BACE1: variants seen among roughly 807,000 people sequenced by gnomAD.
BACE1 encodes the protein APP beta-secretase.
In BACE1, 21 loss-of-function variants were observed where a neutral mutation model predicts 54.0. The observed-to-expected ratio is 0.39, with a 90% CI of 0.28 to 0.56. BACE1 has a LOEUF of 0.56. Among genes scored for constraint, BACE1 ranks in the 20% least tolerant of loss-of-function variants. The probability of loss-of-function intolerance (pLI) is 0.63; values close to 1 mark genes in which losing one functional copy is unlikely to be tolerated. For missense variants in BACE1, 511 were observed against 661.2 expected (o/e 0.77, Z 2.49); for synonymous variants, 232 against 260.9 (o/e 0.89, Z 1.07).
chr11:117,313,156 T>C (rs1480024988), intron 1 of BACE1, among the ~76,000 whole-genome samples: 1 of 152,210 alleles, frequency 6.6e-6, no homozygotes, highest in Non-Finnish European at 1.5e-5. Context: ...TACAGACAGA[T>C]GGGGAGAGAG....
In BACE1 at chr11:117,289,791, C is replaced by T. The variant is rs370855057; in HGVS notation, c.1281G>A (p.Arg427=). 21 of 1,613,918 alleles carry T rather than the reference C, an allele frequency of 1.3e-5. No individual in the cohort carries two copies. Among genetic ancestry groups the T allele is most frequent in the Non-Finnish European group, 1.6e-5 (19 of 1,179,892 alleles). The part of the protein sequence containing the change: ...VSACHVHDEF[R]TAAVEGPFVT... Reference sequence around the variant, plus strand: ...CAAAAGGGCCTTCCACCGCTGCCGTCCTGAACTCATCGTGCACTGGGGAGA... The same window carrying T: ...CAAAAGGGCCTTCCACCGCTGCCGTTCTGAACTCATCGTGCACTGGGGAGA... Residue 427 remains arginine (R), a synonymous_variant, in exon 9 of 9, where the codon AGG becomes AGA. Coordinates refer to ENST00000313005, the MANE Select transcript of BACE1 (RefSeq NM_012104.6).
chr11:117,295,235 T>C lies in BACE1; in HGVS notation c.463A>G (p.Thr155Ala). 1 of 1,614,212 alleles carries C rather than the reference T, an allele frequency of 6.2e-7. No homozygotes were observed. The highest frequency in any genetic ancestry group is 1.3e-5 in the African/African-American group (1 of 75,052). Residue 155 changes from threonine (T) to alanine (A), a missense_variant, in exon 3 of 9, where the codon ACT becomes GCT. Physicochemically the swap from Thr to Ala is moderately conservative, Grantham distance 58. Coordinates refer to ENST00000313005, the MANE Select transcript of BACE1 (RefSeq NM_012104.6). ...LVSIPHGPNVTVRANIAAITE... is the reference protein window; with the variant it reads ...LVSIPHGPNVAVRANIAAITE... ...ATGGCAGCAATGTTGGCACGCACAG[T>C]GACGTTGGGGCCATGGGGGATGCTT...
chr11:117,297,117 C>T, intron 1 of BACE1, 156 bp from the exon 2 acceptor site: 1 of 607,694 alleles, frequency 1.6e-6, no homozygotes, highest in South Asian at 2.0e-5. Flanking sequence ...CCCGTTACCA[C>T]CACGACCACA....
chr11:117,299,204 A>G (rs893620321), intron 1 of BACE1, among the ~76,000 whole-genome samples: 1 of 152,074 alleles, frequency 6.6e-6, no homozygotes, highest in African/African-American at 2.4e-5. Context: ...CCTCACAGGC[A>G]AAAAAAGGAA....
At chr11:117,299,094 C>T (rs749369395) in intron 1 of BACE1, among the ~76,000 whole-genome samples, 5 of 152,164 alleles carry the variant, frequency 3.3e-5, no homozygotes, top group Non-Finnish European at 4.4e-5. Flanking sequence ...CTACCATGCC[C>T]GGCCTCTAGC....
At chr11:117,298,579 G>T (rs531061727) in intron 1 of BACE1, among the ~76,000 whole-genome samples, 2 of 152,318 alleles carry the variant, frequency 1.3e-5, no homozygotes, top group South Asian at 4.1e-4. Flanking sequence ...TGGGGACCAG[G>T]ATGGCACATC....
Position 117,315,874 on chromosome 11 carries a change from G to A in BACE1, c.-79C>T. 7.4e-7 allele frequency: 1 copy of A among 1,356,464 alleles called. No individual in the cohort carries two copies. The highest frequency in any genetic ancestry group is 9.4e-7 in the Non-Finnish European group (1 of 1,058,876). The allele number at this position is 1,356,464 out of a possible 1,614,324, so 84.0% of individuals were successfully genotyped here. On this transcript the variant is annotated 5_prime_UTR_variant, in exon 1 of 9. Coordinates refer to ENST00000313005, the MANE Select transcript of BACE1 (RefSeq NM_012104.6). The surrounding 1 kb of genome is among the most constrained non-coding windows in gnomAD (Gnocchi z 5.5). ...TGGCGCCTGCCCCCAAGTCTGGGTG[G>A]TGCTGGTGGCTTCTCAGGAGAGGGA...
In BACE1 at chr11:117,286,356, C is replaced by CT. The variant is rs1222711311; in HGVS notation, c.*3209dup. The CT allele has an allele frequency of 1.3e-5, 2 of 152,164 alleles. No homozygotes were observed. Among genetic ancestry groups the CT allele is most frequent in the African/African-American group, 2.4e-5 (1 of 41,430 alleles). The allele number at this position is 152,164 out of a possible 1,614,324, so 9.4% of individuals were successfully genotyped here. A position where few individuals can be genotyped will look rare whatever the true frequency, so the allele number is the denominator to read the frequency against. On this transcript the variant is annotated 3_prime_UTR_variant, in exon 9 of 9. Coordinates refer to ENST00000313005, the MANE Select transcript of BACE1 (RefSeq NM_012104.6). Reference sequence around the variant, plus strand: ...TTTTATACCTGGGAAAGCTGTGACTCTATTAGAGCTTTGAATCTTTTCCTA... The same window carrying CT: ...TTTTATACCTGGGAAAGCTGTGACTCTTATTAGAGCTTTGAATCTTTTCCTA...
Position 117,315,870 on chromosome 11 carries a change from G to T in BACE1, c.-75C>A. The T allele has an allele frequency of 7.4e-7, 1 of 1,357,138 alleles. No individual in the cohort carries two copies. The highest frequency in any genetic ancestry group is 9.4e-7 in the Non-Finnish European group (1 of 1,059,448). The allele number at this position is 1,357,138 out of a possible 1,614,324, so 84.1% of individuals were successfully genotyped here. The stretch of plus-strand genomic sequence containing the variant: ...TCCCTGGCGCCTGCCCCCAAGTCTG[G>T]GTGGTGCTGGTGGCTTCTCAGGAGA... On this transcript the variant is annotated 5_prime_UTR_variant, in exon 1 of 9. Coordinates refer to ENST00000313005, the MANE Select transcript of BACE1 (RefSeq NM_012104.6). The surrounding 1 kb of genome is among the most constrained non-coding windows in gnomAD (Gnocchi z 5.5).
intron 7 of BACE1, 39 bp from the exon 8 acceptor site, chr11:117,290,698 T>A: frequency 6.2e-7 from 1 of 1,607,346 alleles, no homozygotes; most frequent in Non-Finnish European, 8.5e-7. Context: ...TCTTCCTCAC[T>A]CTCCTTCACC....
chr11:117,291,453 C>T lies in BACE1; in HGVS notation c.942+259G>A, dbSNP rs570791037. On this transcript the variant is annotated intron_variant, in intron 6 of 8. Coordinates refer to ENST00000313005, the MANE Select transcript of BACE1 (RefSeq NM_012104.6). ...CCACCACACCCAGCTAATTTTTGTACTTTTAGTAGAGATGGGATTTCACCC... is the reference window on the plus strand; with the variant it reads ...CCACCACACCCAGCTAATTTTTGTATTTTTAGTAGAGATGGGATTTCACCC... Among the ~76,000 whole-genome samples, 7 of 152,012 alleles carry T rather than the reference C, an allele frequency of 4.6e-5. No homozygotes were observed. The South Asian group carries it at 1.5e-3, about 32-fold the overall frequency.
At chr11:117,290,367 G>A in intron 8 of BACE1, 121 bp downstream of exon 8, 1 of 1,237,588 alleles carries the variant, frequency 8.1e-7, no homozygotes, top group Non-Finnish European at 1.1e-6. Context: ...CTGTTGACTT[G>A]GGTTTGAGGC....
intron 5 of BACE1, 116 bp downstream of exon 5, chr11:117,292,938 C>G (rs1455336259): frequency 9.2e-6 from 12 of 1,298,766 alleles, no homozygotes; most frequent in South Asian, 7.2e-5. Flanking sequence ...AACTTCCAAC[C>G]CTTTCTGCAG....
intron 5 of BACE1, chr11:117,292,181 C>CTTTTTTTTTTT (rs1173571595): frequency 4.8e-5 from 3 of 62,850 alleles, no homozygotes; most frequent in Non-Finnish European, 8.2e-5. Flanking sequence ...CTTTTCTTTT[C>CTTTTTTTTTTT]TTTTTTTTTT....
chr11:117,292,666 A>T (rs137998161), intron 5 of BACE1: 256 of 156,868 alleles, frequency 1.6e-3, no homozygotes, highest in African/African-American at 5.8e-3. Flanking sequence ...AAACTGAGAC[A>T]CAGAATAGTA....
chr11:117,291,342 T>G (rs2034427616), intron 6 of BACE1, among the ~76,000 whole-genome samples: 1 of 150,690 alleles, frequency 6.6e-6, no homozygotes, highest in African/African-American at 2.4e-5. Flanking sequence ...AGTGGCGCAA[T>G]CATGGCTCAC....
chr11:117,290,395 C>G, intron 8 of BACE1, 93 bp downstream of exon 8: 6 of 1,485,410 alleles, frequency 4.0e-6, no homozygotes, highest in Non-Finnish European at 5.4e-6. Flanking sequence ...ACTACCCTCC[C>G]CTAAACTGAC....
chr11:117,304,314 C>T (rs528733280), intron 1 of BACE1, among the ~76,000 whole-genome samples: 5 of 152,254 alleles, frequency 3.3e-5, no homozygotes, highest in African/African-American at 7.2e-5. Flanking sequence ...CCCCAGCTGA[C>T]GTACCAGCTG....
intron 1 of BACE1, among the ~76,000 whole-genome samples, chr11:117,309,349 C>T (rs1018206010): frequency 1.3e-5 from 2 of 152,222 alleles, no homozygotes; most frequent in African/African-American, 4.8e-5. Context: ...CCTGTCAGCC[C>T]CATGGCATCC....
Sources: allele counts gnomAD v4.1 joint callset (sites outside exome capture counted in the v4.1 genomes callset), GRCh38; gene constraint gnomAD v4.1.1; non-coding constraint Gnocchi (gnomAD v3.1); transcripts MANE v1.5; gene names NCBI Gene and HGNC (gene_info 2026-07-23, HGNC 2026-07-21).